Variants in SDE2 observed in about 807,000 individuals in gnomAD.
The protein encoded by SDE2 is spliceosome associated SDE2.
Under a neutral mutation model 46.9 loss-of-function variants are expected in SDE2, and 31 were observed. The observed-to-expected ratio is 0.66, with a 90% CI of 0.50 to 0.89. The LOEUF is 0.89. Among genes scored for constraint, SDE2 ranks in the 40% least tolerant of loss-of-function variants. The pLI is 0.00. For synonymous variants in SDE2, 205 were observed against 204.3 expected, an observed-to-expected ratio of 1.00 and a Z score of -0.03; for missense variants, 542 against 564.4, an observed-to-expected ratio of 0.96 and a Z score of 0.40.
At position 225,985,492 on chromosome 1, in the gene SDE2, G is replaced by A. The variant is rs376243963; in HGVS notation, c.1166C>T (p.Ala389Val). Residue 389 changes from alanine (A) to valine (V), a missense_variant, in exon 7 of 7, where the codon GCG becomes GTG. Around this residue, in one of 3 missense-constraint regions of SDE2, gnomAD observed 401 missense variants for 437.8 expected, o/e 0.92. Transcript: ENST00000272091. ...CTCCAGTTCTGCAACAGAGGTGAAC[G>A]CCAATAAATCTATAGTTTCCTTATC... ...VIDKETIDLL[A>V]FTSVAELELL... 1.6e-5 allele frequency: 26 copies of A among 1,612,760 alleles called. No homozygotes were observed. The highest frequency in any genetic ancestry group is 2.7e-5 in the African/African-American group (2 of 74,870).
Position 225,985,364 on chromosome 1 carries a change from G to A in SDE2, c.1294C>T (p.Leu432=). ...RAARLFSVRG[L]AKEQIDPALF... is the part of the protein sequence containing the mutation. ...GCCGGGTCAATTTGCTCCTTTGCCA[G>A]TCCTCTGACAGAGAAGAGTCTTGCT... is the stretch of plus-strand genomic sequence containing the variant. Residue 432 remains leucine, a synonymous_variant, in exon 7 of 7, where the codon CTG becomes TTG. Coordinates refer to ENST00000272091, the MANE Select transcript of SDE2 (RefSeq NM_152608.4). The A allele has an allele frequency of 6.2e-7, 1 of 1,614,166 alleles. No homozygotes were observed. The highest frequency in any genetic ancestry group is 8.5e-7 in the Non-Finnish European group (1 of 1,180,046).
chr1:225,997,854 G>A (rs1656564638), intron 1 of SDE2, among the ~76,000 whole-genome samples: 2 of 152,206 alleles, frequency 1.3e-5, no homozygotes, highest in Admixed American at 1.3e-4. Context: ...TCATAGGCCG[G>A]GAGGAGTGGC....
At chr1:225,995,829 G>GT (rs755909828) in intron 1 of SDE2, among the ~76,000 whole-genome samples, 7 of 152,154 alleles carry the variant, frequency 4.6e-5, no homozygotes, top group Admixed American at 1.3e-4. Context: ...CAAGAGTGTG[G>GT]TTTTTAATAC....
chr1:225,986,598 T>G (rs1378154381), intron 6 of SDE2, among the ~76,000 whole-genome samples: 1 of 152,230 alleles, frequency 6.6e-6, no homozygotes, highest in Admixed American at 6.5e-5. Context: ...GAATCACACT[T>G]GGTTGTTAGG....
In SDE2 at chr1:225,992,933, T is replaced by G; in HGVS notation, c.308A>C (p.Asp103Ala). The G allele has an allele frequency of 6.2e-7, 1 of 1,613,580 alleles. No homozygotes were observed. Among genetic ancestry groups the G allele is most frequent in the Non-Finnish European group, 8.5e-7 (1 of 1,179,540 alleles). ...EKTTNREACR[D>A]LSGRRLRDVN... ...ATCGCGTAGTCTCCTTCCACTGAGA[T>G]CCCGACAAGCTTCTCGATTGGTTGT... is the stretch of plus-strand genomic sequence containing the variant. The change falls in exon 3 of 7, where the codon GAT (aspartate) becomes GCT (alanine). Residue 103 changes from aspartate to alanine, a missense_variant. By Grantham distance (126) the Asp-to-Ala change is moderately radical. Around this residue, in one of 3 missense-constraint regions of SDE2, gnomAD observed 401 missense variants for 437.8 expected, o/e 0.92. Coordinates refer to ENST00000272091, the MANE Select transcript of SDE2 (RefSeq NM_152608.4).
chr1:225,995,970 C>A (rs1403069210), intron 1 of SDE2, among the ~76,000 whole-genome samples: 5 of 152,158 alleles, frequency 3.3e-5, no homozygotes, highest in African/African-American at 9.6e-5. Context: ...CTACATGAAT[C>A]AATACTCTAA....
chr1:225,991,313 G>A lies in SDE2; in HGVS notation c.571C>T (p.Arg191Trp), dbSNP rs780786089. 1.4e-5 allele frequency: 22 copies of A among 1,613,614 alleles called. No individual in the cohort carries two copies. The highest frequency in any genetic ancestry group is 2.2e-5 in the East Asian group (1 of 44,888). The change falls in exon 5 of 7, where the codon CGG becomes TGG. Residue 191 changes from arginine (R) to tryptophan (W), a missense_variant. This residue lies in a region of SDE2 where 401 missense variants were observed against 437.8 expected (regional missense o/e 0.92). Transcript: ENST00000272091. Reference sequence around the variant, plus strand: ...GATTTAGTAGGCCATTGCCGTTTCCGATTCTCACTGATTTCTGCTGAAACC... The same window carrying A: ...GATTTAGTAGGCCATTGCCGTTTCCAATTCTCACTGATTTCTGCTGAAACC... Reference protein sequence around the residue: ...KMVSAEISENRKRQWPTKSQT... With the variant: ...KMVSAEISENWKRQWPTKSQT...
rs541635629 is a variant in SDE2, at chr1:225,998,826, C to T, written c.120+367G>A. 2.0e-5 allele frequency among the ~76,000 whole-genome samples: 3 copies of T among 152,274 alleles called. No individual in the cohort carries two copies. In the East Asian group the frequency reaches 5.8e-4, roughly 29 times the overall value. ...CTGTGTGATGAGTGGACAAAATACACGTCACATAACCATAGTAAGAAGGTG... is the reference window on the plus strand; with the variant it reads ...CTGTGTGATGAGTGGACAAAATACATGTCACATAACCATAGTAAGAAGGTG... On this transcript the variant is annotated intron_variant, in intron 1 of 6. Transcript: ENST00000272091.
In SDE2 at chr1:225,988,078, C is replaced by A; in HGVS notation, c.952G>T (p.Glu318Ter). Reference sequence around the variant, plus strand: ...CTCTCTGCCTTCTTCTCCTGGGTCTCTTCTGTTTCTGTAACCATCCTGCTT... The same window carrying A: ...CTCTCTGCCTTCTTCTCCTGGGTCTATTCTGTTTCTGTAACCATCCTGCTT... ...MESRMVTETE[E>*]TQEKKAESKE... Residue 318 changes from glutamate to a stop codon, truncating the protein, a stop_gained, in exon 6 of 7, where the codon GAG (glutamate) becomes TAG (stop). Transcript: ENST00000272091. LOFTEE classifies it high-confidence loss of function. 6.2e-7 allele frequency: 1 copy of A among 1,614,168 alleles called. No homozygotes were observed. The highest frequency in any genetic ancestry group is 8.5e-7 in the Non-Finnish European group (1 of 1,180,024).
chr1:225,995,484 G>A (rs1459762384), intron 1 of SDE2, 101 bp from the exon 2 acceptor site: 12 of 587,856 alleles, frequency 2.0e-5, no homozygotes, highest in Non-Finnish European at 3.7e-5. Context: ...GGTTACAACA[G>A]AGGGTGTTCA....
chr1:225,997,879 C>A (rs1022699177), intron 1 of SDE2, among the ~76,000 whole-genome samples: 4 of 152,066 alleles, frequency 2.6e-5, no homozygotes, highest in African/African-American at 9.7e-5. Flanking sequence ...GCCTGTAATC[C>A]CAGCACTTTG....
rs764509465 is a variant in SDE2 at position 225,988,408 on chromosome 1, G to A, written c.642-20C>T. On this transcript the variant is annotated intron_variant, in intron 5 of 6. Coordinates refer to ENST00000272091, the MANE Select transcript of SDE2 (RefSeq NM_152608.4). ...CCCAACCTGTCAGAAGCAACAGAAA[G>A]GTTTAACAGCGTTTGTAGCTTCTAT... 1.2e-6 allele frequency: 2 copies of A among 1,611,512 alleles called. No homozygotes were observed. Among genetic ancestry groups the A allele is most frequent in the South Asian group, 2.2e-5 (2 of 90,932 alleles).
Position 225,988,180 on chromosome 1 carries a change from T to C in SDE2, c.850A>G (p.Ile284Val), listed in dbSNP as rs1430377527. ...TGCCTCCCAGAGTCAGTCACCGGGA[T>C]CTGCAGTTGTTCTGGTGATCCATGG... The part of the protein sequence containing the change: ...TDHGSPEQLQ[I>V]PVTDSGRHIL... The change falls in exon 6 of 7, where the codon ATC becomes GTC. Residue 284 changes from isoleucine to valine, a missense_variant. Ile to Val is a conservative substitution (Grantham distance 29). This residue lies in a region of SDE2 where 401 missense variants were observed against 437.8 expected (regional missense o/e 0.92). Transcript: ENST00000272091. 8.1e-6 allele frequency: 13 copies of C among 1,614,136 alleles called. No homozygotes were observed. Among genetic ancestry groups the C allele is most frequent in the Non-Finnish European group, 1.1e-5 (13 of 1,179,998 alleles).
chr1:225,990,854 GAA>G (rs1353377792), intron 5 of SDE2, among the ~76,000 whole-genome samples: 4 of 152,102 alleles, frequency 2.6e-5, no homozygotes, highest in Non-Finnish European at 5.9e-5. Context: ...CGAAAGTGGT[GAA>G]GAGAAGTCTG....
rs767129192 is a variant in SDE2, at chr1:225,983,362, AC to A, written c.*1939del. The stretch of plus-strand genomic sequence containing the variant: ...AAGACATAAGTTATTAGAGCTTCAT[AC>A]AAAAACTGGTAGAATTTAAGAAATA... On this transcript the variant is annotated 3_prime_UTR_variant, in exon 7 of 7. Transcript: ENST00000272091. 1.3e-5 allele frequency: 2 copies of A among 152,240 alleles called. No individual in the cohort carries two copies. The highest frequency in any genetic ancestry group is 1.9e-4 in the East Asian group (1 of 5,198). 9.4% of individuals were successfully genotyped at this position (152,240 alleles called of 1,614,324 possible). A position where few individuals can be genotyped will look rare whatever the true frequency, so the allele number is the denominator to read the frequency against.
chr1:225,999,187 C>T lies in SDE2; in HGVS notation c.120+6G>A. 1 of 1,609,284 alleles carries T rather than the reference C, an allele frequency of 6.2e-7. No individual in the cohort carries two copies. ...TCTCCTTCCTAACAGGAACCGAAAT[C>T]CTCACCTGATCTTGGCAGTGCCGGT... is the stretch of plus-strand genomic sequence containing the variant. On this transcript the variant is annotated splice_donor_region_variant and intron_variant, in intron 1 of 6. Coordinates refer to ENST00000272091, the MANE Select transcript of SDE2 (RefSeq NM_152608.4).
In SDE2 at chr1:225,985,395, C is replaced by T. The variant is rs764144357; in HGVS notation, c.1263G>A (p.Glu421=). 6.2e-7 allele frequency: 1 copy of T among 1,614,228 alleles called. No homozygotes were observed. The highest frequency in any genetic ancestry group is 1.7e-5 in the Admixed American group (1 of 60,026). Residue 421 remains glutamate, a synonymous_variant, in exon 7 of 7, where the codon GAG becomes GAA. Coordinates refer to ENST00000272091, the MANE Select transcript of SDE2 (RefSeq NM_152608.4). ...LGLKCGGTLQ[E]RAARLFSVRG... The stretch of plus-strand genomic sequence containing the variant: ...TGACAGAGAAGAGTCTTGCTGCCCG[C>T]TCCTGCAGAGTGCCCCCACATTTCA...
At chr1:225,990,595 G>A (rs1656377173) in intron 5 of SDE2, among the ~76,000 whole-genome samples, 1 of 152,064 alleles carries the variant, frequency 6.6e-6, no homozygotes, top group Non-Finnish European at 1.5e-5. Context: ...ACCACAGGTA[G>A]TGTCACCACC....
At chr1:225,986,194 T>G (rs1656263658) in intron 6 of SDE2, among the ~76,000 whole-genome samples, 1 of 152,010 alleles carries the variant, frequency 6.6e-6, no homozygotes, top group South Asian at 2.1e-4. Flanking sequence ...CCGGGTGTGG[T>G]GGTGCGTGCC....
Sources: allele counts gnomAD v4.1 joint callset (sites outside exome capture counted in the v4.1 genomes callset), GRCh38; gene constraint gnomAD v4.1.1; regional missense constraint gnomAD v4.1.1; transcripts MANE v1.5; gene names NCBI Gene and HGNC (gene_info 2026-07-23, HGNC 2026-07-21).